SIRPG: variants seen among roughly 807,000 people sequenced by gnomAD.
SIRPG encodes the protein signal-regulatory protein gamma.
SIRPG carries 38 observed loss-of-function variants against 35.7 expected under a neutral mutation model. The observed-to-expected ratio is 1.06, with a 90% CI of 0.82 to 1.40. The LOEUF is 1.40. SIRPG is among the 40% of genes most tolerant of loss of function. SIRPG has a pLI of 0.00. For missense variants in SIRPG, 519 were observed against 483.0 expected (o/e 1.07, Z -0.70); for synonymous variants, 215 against 190.4 (o/e 1.13, Z -1.06).
intron 4 of SIRPG, among the ~76,000 whole-genome samples, chr20:1,634,896 A>G (rs1301633510): frequency 6.6e-6 from 1 of 151,510 alleles, no homozygotes; most frequent in Non-Finnish European, 1.5e-5. Flanking sequence ...ACAAAAAATT[A>G]GTCGGGCGTG....
the SIRPG span, among the ~76,000 whole-genome samples, chr20:1,671,411 G>A: frequency 1.3e-5 from 2 of 152,178 alleles, no homozygotes; most frequent in South Asian, 2.1e-4. Context: ...TCTAAACAGG[G>A]TGACTTCCAC....
intron 2 of SIRPG, among the ~76,000 whole-genome samples, chr20:1,643,381 G>A (rs1183106973): frequency 6.6e-6 from 1 of 152,072 alleles, no homozygotes; most frequent in Non-Finnish European, 1.5e-5. Context: ...ACTTGTGTAT[G>A]CTTCACAAAG....
At chr20:1,647,950 A>G (rs2091909742) in intron 2 of SIRPG, 1 of 152,192 alleles carries the variant, frequency 6.6e-6, no homozygotes, top group South Asian at 2.1e-4. Context: ...ACAGTGTCTA[A>G]CAAACACTGG....
chr20:1,666,061 G>C, the SIRPG span, among the ~76,000 whole-genome samples: 1 of 151,634 alleles, frequency 6.6e-6, no homozygotes, highest in African/African-American at 2.4e-5. Context: ...TGCTGATCCT[G>C]ACCCTGTAGG....
intron 2 of SIRPG, among the ~76,000 whole-genome samples, chr20:1,638,777 C>CA (rs900362203): frequency 2.1e-5 from 3 of 143,076 alleles, no homozygotes; most frequent in African/African-American, 7.8e-5. Context: ...CTCACCCCCC[C>CA]ACCCCTTGAC....
chr20:1,644,090 G>A (rs528441340), intron 2 of SIRPG, among the ~76,000 whole-genome samples: 1 of 152,338 alleles, frequency 6.6e-6, no homozygotes, highest in South Asian at 2.1e-4. Context: ...CACTTTGACT[G>A]TCCCTTGGTG....
chr20:1,673,769 G>GA, the SIRPG span, among the ~76,000 whole-genome samples: 1 of 152,322 alleles, frequency 6.6e-6, no homozygotes, highest in Middle Eastern at 3.4e-3. Flanking sequence ...ACAGAAGCTG[G>GA]AAGCATTTTG....
At chr20:1,637,773 C>A (rs2091816064) in intron 2 of SIRPG, 1 of 152,154 alleles carries the variant, frequency 6.6e-6, no homozygotes. Context: ...TAATTCATTA[C>A]AAGAGACAAA....
the SIRPG span, chr20:1,665,435 C>T: frequency 6.5e-6 from 1 of 153,160 alleles, no homozygotes; most frequent in African/African-American, 2.4e-5. Flanking sequence ...TGAGAGGGGC[C>T]ACCTGGGATG....
rs2277760 is a variant in SIRPG at position 1,636,246 on chromosome 20, A to G, written c.690T>C (p.His230=). ...VRSQVICEVA[H]VTLQGDPLRG... The stretch of plus-strand genomic sequence containing the variant: ...GAAGAGGGTCCCCCTGCAAGGTGAC[A>G]TGGGCCACCTCGCAGATGACCTGAG... Residue 230 remains histidine (H), a synonymous_variant, in exon 3 of 6, where the codon CAT becomes CAC. Transcript: ENST00000303415. The G allele has an allele frequency of 0.25, 409,758 of 1,614,080 alleles. 59,571 individuals are homozygous for G. Among genetic ancestry groups the G allele is most frequent in the East Asian group, 0.63 (28,109 of 44,860 alleles).
chr20:1,682,522 A>G, the SIRPG span, among the ~76,000 whole-genome samples: 3 of 152,344 alleles, frequency 2.0e-5, no homozygotes, highest in South Asian at 6.2e-4. Context: ...TCCTCAACAT[A>G]ATAAATGCCA....
chr20:1,659,170 C>T (rs2091989530), upstream of SIRPG, among the ~76,000 whole-genome samples: 2 of 152,288 alleles, frequency 1.3e-5, no homozygotes, highest in East Asian at 1.9e-4. Context: ...TCTCTGCCAC[C>T]GTTGTGCCTT....
At chr20:1,656,508 G>A (rs1366208748) in intron 1 of SIRPG, among the ~76,000 whole-genome samples, 2 of 152,196 alleles carry the variant, frequency 1.3e-5, no homozygotes, top group East Asian at 3.8e-4. Flanking sequence ...GTGAGACCTT[G>A]CCCTCTAAGA....
chr20:1,655,620 T>C (rs1024101905), intron 1 of SIRPG, among the ~76,000 whole-genome samples: 2 of 152,212 alleles, frequency 1.3e-5, no homozygotes, highest in African/African-American at 4.8e-5. Context: ...GTGGTGTTTA[T>C]ACTTAATAAT....
At chr20:1,660,336 A>T (rs2091992808), upstream of SIRPG, among the ~76,000 whole-genome samples, 1 of 152,210 alleles carries the variant, frequency 6.6e-6, no homozygotes, top group Non-Finnish European at 1.5e-5. Context: ...CAGCACAGAG[A>T]CACACCCAAA....
chr20:1,635,215 A>ATGT, intron 4 of SIRPG, 52 bp downstream of exon 4: 1 of 1,413,302 alleles, frequency 7.1e-7, no homozygotes, highest in East Asian at 2.3e-5. Context: ...TGTGGATATT[A>ATGT]CTTTTAAAAT....
the SIRPG span, among the ~76,000 whole-genome samples, chr20:1,676,184 A>G: frequency 5.3e-5 from 8 of 152,124 alleles, no homozygotes; most frequent in African/African-American, 1.9e-4. Context: ...TTCTCCATCT[A>G]TGTTTAAGGG....
At chr20:1,670,985 G>C in the SIRPG span, 2 of 364,066 alleles carry the variant, frequency 5.5e-6, no homozygotes, top group Non-Finnish European at 1.1e-5. Context: ...CCAGAGGCCA[G>C]CACCATCCTG....
the SIRPG span, among the ~76,000 whole-genome samples, chr20:1,675,873 G>GT: frequency 1.3e-4 from 20 of 151,882 alleles, no homozygotes; most frequent in African/African-American, 4.4e-4. Flanking sequence ...GAGCTGCACT[G>GT]TTTTTTTTCT....
Sources: allele counts gnomAD v4.1 joint callset (sites outside exome capture counted in the v4.1 genomes callset), GRCh38; gene constraint gnomAD v4.1.1; transcripts MANE v1.5; gene names NCBI Gene and HGNC (gene_info 2026-07-23, HGNC 2026-07-21).